The following ANKFN1 variants were observed in gnomAD, a reference collection of about 807,000 sequenced individuals.
ANKFN1 encodes ankyrin repeat and fibronectin type III domain containing 1.
A neutral mutation model predicts 108.7 loss-of-function variants in ANKFN1; 74 were observed. The observed-to-expected ratio is 0.68, with a 90% CI of 0.56 to 0.83. The LOEUF (loss-of-function observed/expected upper bound fraction) is 0.83. Ranked by LOEUF, ANKFN1 falls within the 40% of genes least tolerant of loss-of-function variation. ANKFN1 has a pLI of 0.00. For synonymous variants in ANKFN1, 547 were observed against 516.2 expected, an observed-to-expected ratio of 1.06 and a Z score of -0.81; for missense variants, 1,505 against 1,382.3, an observed-to-expected ratio of 1.09 and a Z score of -1.41.
At position 56,315,060 on chromosome 17, in the gene ANKFN1, A is replaced by G. The variant is rs75554239; in HGVS notation, c.54-11161A>G. On this transcript the variant is annotated intron_variant, in intron 3 of 20. Transcript: ENST00000682825. Reference sequence around the variant, plus strand: ...GTGCAAATGTGTTTCACTGGGCTACATGTAACTCTCTTCAGCCTATTTGTT... The same window carrying G: ...GTGCAAATGTGTTTCACTGGGCTACGTGTAACTCTCTTCAGCCTATTTGTT... 9.5e-3 allele frequency among the ~76,000 whole-genome samples: 1,440 copies of G among 152,294 alleles called. 9 individuals are homozygous for G. Among genetic ancestry groups the G allele is most frequent in the Admixed American group, 0.017 (257 of 15,304 alleles).
chr17:56,453,665 TC>T (rs2049574341), intron 11 of ANKFN1, among the ~76,000 whole-genome samples: 1 of 152,124 alleles, frequency 6.6e-6, no homozygotes. Context: ...GGTGGAGCTT[TC>T]CCCCTCACAG....
At chr17:56,215,001 C>T (rs532946232) in intron 2 of ANKFN1, among the ~76,000 whole-genome samples, 17 of 152,280 alleles carry the variant, frequency 1.1e-4, no homozygotes, top group African/African-American at 3.9e-4. Flanking sequence ...TAAATAAGTC[C>T]CCATCCACAT....
intron 8 of ANKFN1, among the ~76,000 whole-genome samples, chr17:56,404,133 A>G (rs2047845573): frequency 6.6e-6 from 1 of 152,134 alleles, no homozygotes; most frequent in South Asian, 2.1e-4. Flanking sequence ...CATGATGACA[A>G]TGTGCCTAGG....
chr17:56,463,156 T>A (rs2049968126), intron 14 of ANKFN1, among the ~76,000 whole-genome samples: 1 of 152,234 alleles, frequency 6.6e-6, no homozygotes. Flanking sequence ...TGCCAGGCAC[T>A]GTGTTGAGTG....
chr17:56,472,665 G>A (rs1384214269), intron 15 of ANKFN1: 1 of 152,254 alleles, frequency 6.6e-6, no homozygotes, highest in South Asian at 2.1e-4. Context: ...TCAGTCAAAC[G>A]AAGACAGACA....
At chr17:56,301,989 C>A (rs1457663037) in intron 3 of ANKFN1, among the ~76,000 whole-genome samples, 1 of 152,118 alleles carries the variant, frequency 6.6e-6, no homozygotes, top group Non-Finnish European at 1.5e-5. Flanking sequence ...AAAGGAATTC[C>A]TTGGCAGGAA....
chr17:56,116,092 A>G (rs1233036032), intron 4 of ANKFN1, among the ~76,000 whole-genome samples: 3 of 152,150 alleles, frequency 2.0e-5, no homozygotes, highest in Non-Finnish European at 4.4e-5. Context: ...CTTTCCTGAC[A>G]TTTCCCAGCC....
At chr17:56,352,152 T>G (rs1370835070) in intron 5 of ANKFN1, among the ~76,000 whole-genome samples, 1 of 152,224 alleles carries the variant, frequency 6.6e-6, no homozygotes, top group Non-Finnish European at 1.5e-5. Flanking sequence ...GTTTAGCAGA[T>G]TGTGGATAAA....
intron 3 of ANKFN1, among the ~76,000 whole-genome samples, chr17:56,266,790 C>T (rs900496631): frequency 1.3e-5 from 2 of 152,064 alleles, no homozygotes; most frequent in African/African-American, 4.8e-5. Flanking sequence ...GGATTCATCA[C>T]TAAAAAAACA....
intron 18 of ANKFN1, among the ~76,000 whole-genome samples, chr17:56,484,900 C>T (rs1022813523): frequency 2.0e-5 from 3 of 152,134 alleles, no homozygotes; most frequent in Non-Finnish European, 4.4e-5. Flanking sequence ...TGGTATCAAT[C>T]GTTATAATAT....
chr17:56,204,742 A>G (rs1029873916), intron 1 of ANKFN1, among the ~76,000 whole-genome samples: 3 of 151,822 alleles, frequency 2.0e-5, no homozygotes, highest in African/African-American at 7.3e-5. Context: ...TTGCCCCTGT[A>G]CCTCCTCCCC....
intron 4 of ANKFN1, among the ~76,000 whole-genome samples, chr17:56,086,022 TTAAA>T (rs1299117722): frequency 2.0e-5 from 3 of 150,522 alleles, no homozygotes; most frequent in South Asian, 2.1e-4. Context: ...TAATATAGCA[TTAAA>T]TAAATAATTA....
At chr17:56,375,548 T>C (rs1284989486) in intron 8 of ANKFN1, among the ~76,000 whole-genome samples, 1 of 152,070 alleles carries the variant, frequency 6.6e-6, no homozygotes, top group East Asian at 1.9e-4. Context: ...TTGAATAAGG[T>C]AGGGACAGGA....
At chr17:56,293,069 T>C (rs1405780084) in intron 3 of ANKFN1, among the ~76,000 whole-genome samples, 2 of 152,216 alleles carry the variant, frequency 1.3e-5, no homozygotes, top group Non-Finnish European at 2.9e-5. Flanking sequence ...AAATTACTCA[T>C]TTTTGAACCC....
intron 16 of ANKFN1, among the ~76,000 whole-genome samples, chr17:56,479,777 T>C (rs1371117618): frequency 2.0e-5 from 3 of 152,230 alleles, no homozygotes; most frequent in African/African-American, 7.2e-5. Flanking sequence ...TTCCATCCCC[T>C]GAGAGGAGGG....
At position 56,055,566 on chromosome 17, in the gene ANKFN1, C is replaced by CATATATATACATATATAT. The variant is rs1555588764; in HGVS notation, c.288+9250_288+9251insCATATATATATATATATA. On this transcript the variant is annotated intron_variant, in intron 4 of 12. Transcript: ENST00000635860. ...TATATGTGTGTGTGTGGTATATATA[C>CATATATATACATATATAT]ATATATATATATATATATATATGTA... 2.4e-3 allele frequency among the ~76,000 whole-genome samples: 112 copies of CATATATATACATATATAT among 47,444 alleles called. 8 individuals are homozygous for CATATATATACATATATAT. The highest frequency in any genetic ancestry group is 0.014 in the African/African-American group (108 of 7,564). 31.1% of individuals were successfully genotyped at this position (47,444 alleles called of 152,430 possible). A position where few individuals can be genotyped will look rare whatever the true frequency, so the allele number is the denominator to read the frequency against.
chr17:56,243,280 T>C (rs978355499), intron 3 of ANKFN1, among the ~76,000 whole-genome samples: 8 of 152,118 alleles, frequency 5.3e-5, no homozygotes, highest in Non-Finnish European at 8.8e-5. Flanking sequence ...TCTAAAGATT[T>C]TGCTGTTGCC....
At chr17:56,093,664 C>T (rs78750680) in intron 4 of ANKFN1, among the ~76,000 whole-genome samples, 3,191 of 151,480 alleles carry the variant, frequency 0.021, 150 homozygotes, top group Middle Eastern at 0.041. Context: ...TACAACTTCC[C>T]AAGTTTGCTT....
chr17:56,369,655 A>T (rs759728159), intron 6 of ANKFN1, among the ~76,000 whole-genome samples: 4 of 152,252 alleles, frequency 2.6e-5, no homozygotes, highest in Non-Finnish European at 5.9e-5. Flanking sequence ...TAGGTCATTA[A>T]TAATAGGGAG....
Sources: gnomAD v4.1 joint callset for allele counts (sites outside exome capture counted in the v4.1 genomes callset) on GRCh38, gnomAD v4.1.1 for gene constraint, MANE v1.5 for transcripts, NCBI Gene and HGNC (gene_info 2026-07-23, HGNC 2026-07-21) for gene names.